Variants in MGAT4C observed in about 807,000 individuals in gnomAD.
MGAT4C encodes alpha-1,3-mannosyl-glycoprotein 4-beta-N-acetylglucosaminyltransferase C.
A neutral mutation model predicts 40.1 loss-of-function variants in MGAT4C; 19 were observed. The observed-to-expected ratio is 0.47, with a 90% CI of 0.33 to 0.70. The LOEUF (loss-of-function observed/expected upper bound fraction) is 0.70. Ranked by LOEUF, MGAT4C falls within the 30% of genes least tolerant of loss-of-function variation. The pLI is 0.02. For synonymous variants in MGAT4C, 181 were observed against 187.1 expected (o/e 0.97, Z 0.27); for missense variants, 491 against 563.2 (o/e 0.87, Z 1.30).
In MGAT4C at chr12:86,412,394, A is replaced by G. The variant is rs185844439; in HGVS notation, c.-120+22763T>C. Among the ~76,000 whole-genome samples the G allele has an allele frequency of 8.0e-4, 122 of 152,340 alleles. 1 individual carries two copies. Among genetic ancestry groups the G allele is most frequent in the African/African-American group, 2.8e-3 (116 of 41,592 alleles). The stretch of plus-strand genomic sequence containing the variant: ...AGACAGAGATGCCCAAAGTTTTGGG[A>G]GCCCAACTCTTGGTTCAGTGTGGCC... On this transcript the variant is annotated intron_variant, in intron 3 of 7. Coordinates refer to the MGAT4C transcript ENST00000548651.
chr12:86,675,172 C>A (rs1173125961), intron 2 of MGAT4C, among the ~76,000 whole-genome samples: 3 of 152,064 alleles, frequency 2.0e-5, no homozygotes, highest in Non-Finnish European at 2.9e-5. Context: ...AAGAGATGAC[C>A]CCCAGTAAAA....
At chr12:86,636,013 A>G (rs1963209279) in intron 2 of MGAT4C, among the ~76,000 whole-genome samples, 1 of 151,744 alleles carries the variant, frequency 6.6e-6, no homozygotes, top group South Asian at 2.1e-4. Flanking sequence ...TGTAGATACA[A>G]AAATACTTGC....
chr12:85,984,046 T>C (rs1342733573), intron 3 of MGAT4C, among the ~76,000 whole-genome samples: 2 of 152,228 alleles, frequency 1.3e-5, no homozygotes, highest in Non-Finnish European at 2.9e-5. Context: ...ATCTATTTTA[T>C]AGTTTAATCT....
At chr12:86,580,944 A>T (rs563295825) in intron 2 of MGAT4C, among the ~76,000 whole-genome samples, 1 of 151,596 alleles carries the variant, frequency 6.6e-6, no homozygotes, top group South Asian at 2.1e-4. Context: ...AGCCTACCTA[A>T]TAAGCACACA....
At chr12:86,502,830 C>T (rs1329592998) in intron 2 of MGAT4C, among the ~76,000 whole-genome samples, 17 of 27,024 alleles carry the variant, frequency 6.3e-4, no homozygotes, top group East Asian at 8.5e-4. Flanking sequence ...TATGTATACA[C>T]GAGTTCTGCT....
chr12:86,358,485 C>T (rs561175726), intron 3 of MGAT4C, among the ~76,000 whole-genome samples: 49 of 152,152 alleles, frequency 3.2e-4, no homozygotes, highest in Non-Finnish European at 5.6e-4. Flanking sequence ...CAATATTAAC[C>T]TTAAATGTAA....
At chr12:86,078,411 G>A (rs937679692) in intron 1 of MGAT4C, among the ~76,000 whole-genome samples, 2 of 152,144 alleles carry the variant, frequency 1.3e-5, no homozygotes, top group Non-Finnish European at 2.9e-5. Context: ...CCATGATGGT[G>A]GATAAGGCAT....
rs1226518344 is a variant in MGAT4C, at chr12:85,979,182, G to C, written c.*107C>G. 10 of 839,154 alleles carry C rather than the reference G, an allele frequency of 1.2e-5. No homozygotes were observed. The highest frequency in any genetic ancestry group is 1.6e-5 in the Non-Finnish European group (9 of 550,562). The allele number at this position is 839,154 out of a possible 1,614,324, so 52.0% of individuals were successfully genotyped here. ...AATGAAAACTGCCAATGTAATTAAT[G>C]TTTCTTTTAACATATCCCATCCATT... On this transcript the variant is annotated 3_prime_UTR_variant, in exon 5 of 5. Transcript: ENST00000611864.
At chr12:86,812,016 T>A (rs1022597514) in intron 1 of MGAT4C, among the ~76,000 whole-genome samples, 1 of 152,268 alleles carries the variant, frequency 6.6e-6, no homozygotes, top group African/African-American at 2.4e-5. Flanking sequence ...TCCATATGTA[T>A]TTTCATTCTA....
chr12:86,516,107 G>A (rs1041749555), intron 2 of MGAT4C, among the ~76,000 whole-genome samples: 1 of 151,800 alleles, frequency 6.6e-6, no homozygotes, highest in Admixed American at 6.6e-5. Context: ...CTGAAAAGCA[G>A]ATTCTAAAAT....
At chr12:86,625,263 G>C (rs1962767474) in intron 2 of MGAT4C, among the ~76,000 whole-genome samples, 1 of 152,074 alleles carries the variant, frequency 6.6e-6, no homozygotes, top group African/African-American at 2.4e-5. Context: ...GTGCAGAACT[G>C]TAAGTCAATT....
At chr12:86,070,369 T>G (rs1434331481) in intron 1 of MGAT4C, among the ~76,000 whole-genome samples, 1 of 152,132 alleles carries the variant, frequency 6.6e-6, no homozygotes, top group Non-Finnish European at 1.5e-5. Flanking sequence ...AGTAATCTTT[T>G]TTTTCCTCTG....
intron 1 of MGAT4C, among the ~76,000 whole-genome samples, chr12:86,061,560 G>A (rs567291893): frequency 1.9e-3 from 296 of 152,132 alleles, no homozygotes; most frequent in African/African-American, 6.8e-3. Flanking sequence ...TGAAGTCAGG[G>A]AGCCAAGTGG....
intron 2 of MGAT4C, among the ~76,000 whole-genome samples, chr12:86,658,413 C>T (rs935938207): frequency 1.3e-5 from 2 of 151,938 alleles, no homozygotes; most frequent in African/African-American, 4.8e-5. Flanking sequence ...CATTCTTATC[C>T]TCTTGTCTAT....
At chr12:86,133,221 A>G (rs988333352) in intron 1 of MGAT4C, among the ~76,000 whole-genome samples, 1 of 152,242 alleles carries the variant, frequency 6.6e-6, no homozygotes, top group Non-Finnish European at 1.5e-5. Flanking sequence ...TAATTTGCTC[A>G]TTTATATTTG....
At chr12:86,419,474 A>G (rs1474525555) in intron 3 of MGAT4C, among the ~76,000 whole-genome samples, 1 of 151,786 alleles carries the variant, frequency 6.6e-6, no homozygotes, top group Non-Finnish European at 1.5e-5. Flanking sequence ...AAATTATACA[A>G]ATTAACATTA....
intron 1 of MGAT4C, among the ~76,000 whole-genome samples, chr12:86,135,739 A>G (rs1356906899): frequency 6.6e-6 from 1 of 152,194 alleles, no homozygotes; most frequent in East Asian, 1.9e-4. Flanking sequence ...TGTCAGCATC[A>G]TCTTTGATTT....
At chr12:86,001,550 C>T (rs1415063644) in intron 2 of MGAT4C, 4 of 820,422 alleles carry the variant, frequency 4.9e-6, no homozygotes, top group Non-Finnish European at 4.4e-6. Flanking sequence ...TTGGTGATTT[C>T]GACTCCTGAG....
chr12:86,032,489 T>C (rs1890851137), intron 2 of MGAT4C, among the ~76,000 whole-genome samples: 1 of 149,810 alleles, frequency 6.7e-6, no homozygotes, highest in Admixed American at 6.7e-5. Context: ...CATTGTGAGG[T>C]TGATTTGCAT....
Sources: allele counts gnomAD v4.1 joint callset (sites outside exome capture counted in the v4.1 genomes callset), GRCh38; gene constraint gnomAD v4.1.1; transcripts MANE v1.5; gene names NCBI Gene and HGNC (gene_info 2026-07-23, HGNC 2026-07-21).